Variants in ZNF385D observed in about 807,000 individuals in gnomAD.
ZNF385D encodes zinc finger protein 659.
Under a neutral mutation model 35.8 loss-of-function variants are expected in ZNF385D, and 15 were observed. That is an observed-to-expected ratio of 0.42 (90% CI 0.28 to 0.64). The LOEUF is 0.64. ZNF385D is among the 30% of genes least tolerant of loss of function. The probability of loss-of-function intolerance (pLI) is 0.23; values close to 1 mark genes in which losing one functional copy is unlikely to be tolerated. For synonymous variants in ZNF385D, 212 were observed against 186.8 expected (o/e 1.13, Z -1.10); for missense variants, 474 against 494.6 (o/e 0.96, Z 0.39).
intron 3 of ZNF385D, among the ~76,000 whole-genome samples, chr3:22,060,276 C>T (rs561509442): frequency 9.9e-5 from 15 of 152,274 alleles, no homozygotes; most frequent in African/African-American, 3.6e-4. Flanking sequence ...TCCTCTTATA[C>T]TGTGTATCTC....
In ZNF385D at chr3:22,258,913, G is replaced by C. The variant is rs551109815; in HGVS notation, c.107-89878C>G. On this transcript the variant is annotated intron_variant, in intron 2 of 5. Coordinates refer to the ZNF385D transcript ENST00000494108. ...TATATTGCTGTGCTTGAAGTTTATG[G>C]AGAAAAAACTAGTCTCCTGAGGGCA... 2.0e-5 allele frequency among the ~76,000 whole-genome samples: 3 copies of C among 151,842 alleles called. No homozygotes were observed. The East Asian group carries it at 5.8e-4, about 30-fold the overall frequency.
chr3:21,805,191 T>C (rs1345387882), intron 3 of ZNF385D, among the ~76,000 whole-genome samples: 5 of 152,202 alleles, frequency 3.3e-5, no homozygotes, highest in Non-Finnish European at 7.4e-5. Flanking sequence ...TAAGAGAAGG[T>C]TGTCTGTTGT....
At position 22,162,096 on chromosome 3, in the gene ZNF385D, G is replaced by A. The variant is rs112384080; in HGVS notation, c.325+6721C>T. Among the ~76,000 whole-genome samples, 879 of 152,206 alleles carry A rather than the reference G, an allele frequency of 5.8e-3. 11 individuals are homozygous for A. The highest frequency in any genetic ancestry group is 0.02 in the African/African-American group (839 of 41,540). ...TGCTAGTTCCCTTCTCATTTCTTTT[G>A]CATTTTTGATGGCAAATCTTAACTC... On this transcript the variant is annotated intron_variant, in intron 3 of 5. Transcript: ENST00000494108.
chr3:22,284,002 G>T (rs936064810), intron 2 of ZNF385D, among the ~76,000 whole-genome samples: 5 of 152,032 alleles, frequency 3.3e-5, no homozygotes, highest in African/African-American at 1.2e-4. Context: ...GATGTGGCTG[G>T]TGGCTCCCAT....
intron 2 of ZNF385D, among the ~76,000 whole-genome samples, chr3:22,304,134 A>G (rs115448869): frequency 6.6e-6 from 1 of 152,216 alleles, no homozygotes; most frequent in South Asian, 2.1e-4. Flanking sequence ...AATCTGGCTT[A>G]GGTCTATTGC....
chr3:22,315,071 A>G lies in ZNF385D; in HGVS notation c.106+57379T>C, dbSNP rs555385235. ...AAGAATGACTAGAGGCACAAAACCC[A>G]GGTTATCGTGATAGGTAATATTCAC... On this transcript the variant is annotated intron_variant, in intron 2 of 5. Coordinates refer to the ZNF385D transcript ENST00000494108. Among the ~76,000 whole-genome samples, 14 of 152,292 alleles carry G rather than the reference A, an allele frequency of 9.2e-5. No individual in the cohort carries two copies. In the East Asian group the frequency reaches 2.7e-3, roughly 29 times the overall value.
chr3:22,254,665 T>C (rs1700225306), intron 2 of ZNF385D, among the ~76,000 whole-genome samples: 1 of 151,864 alleles, frequency 6.6e-6, no homozygotes, highest in Non-Finnish European at 1.5e-5. Flanking sequence ...ATAACTATGA[T>C]AAAGTTTAAT....
At chr3:21,562,249 T>A (rs979678484) in intron 3 of ZNF385D, among the ~76,000 whole-genome samples, 2 of 152,192 alleles carry the variant, frequency 1.3e-5, no homozygotes, top group African/African-American at 4.8e-5. Context: ...ATGTTCATAT[T>A]CCATGTGTTA....
chr3:21,907,495 A>C (rs1238146886), intron 3 of ZNF385D, among the ~76,000 whole-genome samples: 2 of 152,162 alleles, frequency 1.3e-5, no homozygotes, highest in South Asian at 4.1e-4. Flanking sequence ...TGTGTGAATA[A>C]GTCCTTATGG....
intron 3 of ZNF385D, among the ~76,000 whole-genome samples, chr3:21,964,021 T>C (rs1261255496): frequency 1.3e-5 from 2 of 152,158 alleles, no homozygotes; most frequent in Admixed American, 1.3e-4. Context: ...TAAATATTCA[T>C]TTAATTGCGG....
intron 3 of ZNF385D, among the ~76,000 whole-genome samples, chr3:21,549,518 A>G (rs2062495519): frequency 6.6e-6 from 1 of 152,226 alleles, no homozygotes; most frequent in Admixed American, 6.5e-5. Context: ...AACTCAGAGT[A>G]TAAGCCCTTC....
At chr3:21,793,753 G>A (rs977864844) in intron 3 of ZNF385D, among the ~76,000 whole-genome samples, 1 of 152,244 alleles carries the variant, frequency 6.6e-6, no homozygotes, top group Middle Eastern at 3.4e-3. Context: ...TGAAAGAAAA[G>A]CACATTAAAG....
intron 3 of ZNF385D, among the ~76,000 whole-genome samples, chr3:21,905,512 C>A (rs77043907): frequency 1.3e-5 from 2 of 151,542 alleles, no homozygotes; most frequent in African/African-American, 4.9e-5. Context: ...ATGGGTTTGA[C>A]CCAAGAAGCT....
At chr3:22,027,335 C>A (rs185250891) in intron 3 of ZNF385D, among the ~76,000 whole-genome samples, 5 of 152,202 alleles carry the variant, frequency 3.3e-5, no homozygotes, top group Non-Finnish European at 5.9e-5. Context: ...GGGGAAGGTT[C>A]TGCAACAGCT....
intron 3 of ZNF385D, among the ~76,000 whole-genome samples, chr3:21,983,271 G>A (rs1457521436): frequency 1.7e-4 from 24 of 139,790 alleles, no homozygotes; most frequent in Admixed American, 1.4e-3. Flanking sequence ...CCACTAACTC[G>A]TCATCTAGCA....
At chr3:21,558,021 G>T (rs1453700311) in intron 3 of ZNF385D, among the ~76,000 whole-genome samples, 1 of 151,660 alleles carries the variant, frequency 6.6e-6, no homozygotes, top group Non-Finnish European at 1.5e-5. Context: ...TTTTTAGTGT[G>T]TCTATTTTAT....
chr3:21,937,877 G>A (rs144662999), intron 3 of ZNF385D, among the ~76,000 whole-genome samples: 9 of 152,232 alleles, frequency 5.9e-5, no homozygotes, highest in Admixed American at 2.0e-4. Flanking sequence ...TAACATAAGC[G>A]TATTTTCCAA....
At chr3:22,123,482 G>A (rs1180838050) in intron 3 of ZNF385D, among the ~76,000 whole-genome samples, 1 of 152,112 alleles carries the variant, frequency 6.6e-6, no homozygotes, top group African/African-American at 2.4e-5. Context: ...ATTACCTCAA[G>A]CATTTATCAT....
At chr3:22,039,143 A>G (rs939438649) in intron 3 of ZNF385D, among the ~76,000 whole-genome samples, 1 of 151,766 alleles carries the variant, frequency 6.6e-6, no homozygotes, top group African/African-American at 2.4e-5. Context: ...AAACTATGTA[A>G]AAAGTAGCAA....
Sources: gnomAD v4.1 joint callset for allele counts (sites outside exome capture counted in the v4.1 genomes callset) on GRCh38, gnomAD v4.1.1 for gene constraint, MANE v1.5 for transcripts, NCBI Gene and HGNC (gene_info 2026-07-23, HGNC 2026-07-21) for gene names.